PTPRM: variants seen among roughly 807,000 people sequenced by gnomAD.
The protein encoded by PTPRM is protein tyrosine phosphatase receptor type M.
A neutral mutation model predicts 186.7 loss-of-function variants in PTPRM; 47 were observed. The observed-to-expected ratio is 0.25, with a 90% CI of 0.20 to 0.32. The LOEUF (loss-of-function observed/expected upper bound fraction) is 0.32. Ranked by LOEUF, PTPRM falls within the 10% of genes least tolerant of loss-of-function variation. The pLI, the probability that PTPRM is intolerant of heterozygous loss-of-function variation, is 1.00. For missense variants in PTPRM, 1,494 were observed against 1,865.0 expected (o/e 0.80, Z 3.66); for synonymous variants, 668 against 674.9 (o/e 0.99, Z 0.16).
chr18:7,686,332 G>A (rs1198849102), intron 1 of PTPRM, among the ~76,000 whole-genome samples: 1 of 152,134 alleles, frequency 6.6e-6, no homozygotes, highest in East Asian at 1.9e-4. Flanking sequence ...TACTTAAAAT[G>A]CTTTCTCAAA....
chr18:8,387,588 T>G (rs1423081629), intron 31 of PTPRM, among the ~76,000 whole-genome samples: 1 of 150,864 alleles, frequency 6.6e-6, no homozygotes, highest in Non-Finnish European at 1.5e-5. Flanking sequence ...TGTTGGTAAC[T>G]TGAATTCATC....
chr18:8,339,529 C>T (rs1242096974), intron 22 of PTPRM, among the ~76,000 whole-genome samples: 1 of 152,056 alleles, frequency 6.6e-6, no homozygotes, highest in Non-Finnish European at 1.5e-5. Flanking sequence ...TTTCAGAGCT[C>T]CTTGCTCTGA....
chr18:8,348,462 C>T (rs531363287), intron 23 of PTPRM, among the ~76,000 whole-genome samples: 5 of 152,386 alleles, frequency 3.3e-5, no homozygotes, highest in East Asian at 1.9e-4. Flanking sequence ...TTTTAGCCCA[C>T]GTGTTCTGGG....
At chr18:8,070,052 T>C in intron 8 of PTPRM, 58 bp downstream of exon 8, 4 of 1,464,370 alleles carry the variant, frequency 2.7e-6, no homozygotes, top group Non-Finnish European at 3.7e-6. Context: ...AAACAACTTT[T>C]GTTTCGAGAT....
At position 7,852,356 on chromosome 18, in the gene PTPRM, C is replaced by T. The variant is rs2377579; in HGVS notation, c.197-35750C>T. Among the ~76,000 whole-genome samples the T allele has an allele frequency of 2.5e-3, 380 of 151,780 alleles. 1 individual carries two copies. The highest frequency in any genetic ancestry group is 9.0e-3 in the African/African-American group (371 of 41,388). On this transcript the variant is annotated intron_variant, in intron 2 of 32. Coordinates refer to ENST00000580170, the MANE Select transcript of PTPRM (RefSeq NM_001105244.2). Reference sequence around the variant, plus strand: ...TTTTAGGAGGCCGAGGTGGGAGGATCGCTAGAGGCCAGGAGTTCAAGACCA... The same window carrying T: ...TTTTAGGAGGCCGAGGTGGGAGGATTGCTAGAGGCCAGGAGTTCAAGACCA...
At chr18:7,881,546 T>A (rs1411831760) in intron 2 of PTPRM, among the ~76,000 whole-genome samples, 1 of 152,212 alleles carries the variant, frequency 6.6e-6, no homozygotes, top group Non-Finnish European at 1.5e-5. Context: ...AGGTAAAAAC[T>A]TTGCATTCCC....
intron 2 of PTPRM, among the ~76,000 whole-genome samples, chr18:7,819,356 G>GGTGGAAGAAGATAGAA (rs2045040359): frequency 6.6e-6 from 1 of 152,278 alleles, no homozygotes; most frequent in Non-Finnish European, 1.5e-5. Flanking sequence ...GGAACACATT[G>GGTGGAAGAAGATAGAA]GCGGAAGAAG....
intron 14 of PTPRM, among the ~76,000 whole-genome samples, chr18:8,191,767 T>A (rs2093713081): frequency 6.6e-6 from 1 of 152,172 alleles, no homozygotes; most frequent in Non-Finnish European, 1.5e-5. Flanking sequence ...CTACATTTTT[T>A]AATACAGTTT....
intron 31 of PTPRM, among the ~76,000 whole-genome samples, chr18:8,391,357 G>A (rs1364662207): frequency 6.6e-6 from 1 of 152,198 alleles, no homozygotes; most frequent in Non-Finnish European, 1.5e-5. Context: ...ACATTCATCA[G>A]CTGTTGGATA....
chr18:7,670,418 T>C (rs1056386936), intron 1 of PTPRM, among the ~76,000 whole-genome samples: 4 of 152,354 alleles, frequency 2.6e-5, no homozygotes, highest in Admixed American at 2.0e-4. Context: ...CTATAAATTA[T>C]GTTGTAGCAT....
rs539195629 is a variant in PTPRM, at chr18:7,752,841, G to GAA, written c.74-21308_74-21307insAA. ...TAGATGTTTTTTGGCCTTTTAGTTA[G>GAA]GCACTTGGCAATGAATGTGTTTTCT... On this transcript the variant is annotated intron_variant, in intron 1 of 32. Coordinates refer to ENST00000580170, the MANE Select transcript of PTPRM (RefSeq NM_001105244.2). 2.7e-3 allele frequency among the ~76,000 whole-genome samples: 412 copies of GAA among 152,214 alleles called. 4 individuals are homozygous for GAA. Among genetic ancestry groups the GAA allele is most frequent in the African/African-American group, 9.7e-3 (402 of 41,528 alleles).
chr18:7,795,936 C>T (rs2043617600), intron 2 of PTPRM, among the ~76,000 whole-genome samples: 2 of 151,136 alleles, frequency 1.3e-5, no homozygotes, highest in Admixed American at 1.3e-4. Context: ...GTTTCAGCCT[C>T]CCAAGTAGCT....
At chr18:7,840,115 G>A (rs1267513364) in intron 2 of PTPRM, among the ~76,000 whole-genome samples, 1 of 150,794 alleles carries the variant, frequency 6.6e-6, no homozygotes, top group Non-Finnish European at 1.5e-5. Flanking sequence ...TGATGGGGGA[G>A]GGGTGGTGTC....
At chr18:8,384,469 G>A in intron 29 of PTPRM, 92 bp from the exon 30 acceptor site, 2 of 1,416,110 alleles carry the variant, frequency 1.4e-6, no homozygotes, top group Non-Finnish European at 2.0e-6. Context: ...TAAAAAAAAA[G>A]GATTACTGAG....
intron 7 of PTPRM, among the ~76,000 whole-genome samples, chr18:8,063,524 G>C (rs919040858): frequency 1.3e-5 from 2 of 152,098 alleles, no homozygotes; most frequent in Admixed American, 1.3e-4. Context: ...AATAAAATAT[G>C]ACATGTTATC....
chr18:8,142,163 T>C (rs951022955), intron 13 of PTPRM, among the ~76,000 whole-genome samples: 3 of 152,240 alleles, frequency 2.0e-5, no homozygotes, highest in African/African-American at 7.2e-5. Flanking sequence ...GGACTTATTC[T>C]CGACATTGTC....
intron 14 of PTPRM, among the ~76,000 whole-genome samples, chr18:8,205,599 G>A (rs2093917292): frequency 6.6e-6 from 1 of 152,118 alleles, no homozygotes. Flanking sequence ...CGTTATGCTT[G>A]AGTTAGAAAA....
chr18:8,339,863 T>A (rs898500275), intron 22 of PTPRM, among the ~76,000 whole-genome samples: 1 of 152,084 alleles, frequency 6.6e-6, no homozygotes, highest in Non-Finnish European at 1.5e-5. Flanking sequence ...GACAGGTAGC[T>A]GAGTAATACT....
intron 7 of PTPRM, among the ~76,000 whole-genome samples, chr18:7,984,572 C>CATATAT (rs71354583): frequency 0.018 from 1,568 of 88,346 alleles, 30 homozygotes; most frequent in African/African-American, 0.022. Context: ...ATATATGCCC[C>CATATAT]ATATATATAT....
Sources: allele counts gnomAD v4.1 joint callset (sites outside exome capture counted in the v4.1 genomes callset), GRCh38; gene constraint gnomAD v4.1.1; transcripts MANE v1.5; gene names NCBI Gene and HGNC (gene_info 2026-07-23, HGNC 2026-07-21).